CACNA1I: variants seen among roughly 807,000 people sequenced by gnomAD.
CACNA1I encodes calcium voltage-gated channel subunit alpha1 I.
A neutral mutation model predicts 201.6 loss-of-function variants in CACNA1I; 74 were observed. The observed-to-expected ratio is 0.37, with a 90% CI of 0.30 to 0.45. The LOEUF is 0.45. CACNA1I is among the 20% of genes least tolerant of loss of function. The probability of loss-of-function intolerance (pLI) is 1.00; values close to 1 mark genes in which losing one functional copy is unlikely to be tolerated. For missense variants in CACNA1I, 2,346 were observed against 3,138.1 expected (o/e 0.75, Z 6.03); for synonymous variants, 1,431 against 1,345.2 (o/e 1.06, Z -1.40).
rs1209155938 is a variant in CACNA1I at position 39,629,028 on chromosome 22, C to T, written c.581-5537C>T. 1.3e-5 allele frequency among the ~76,000 whole-genome samples: 2 copies of T among 152,122 alleles called. No individual in the cohort carries two copies. The highest frequency in any genetic ancestry group is 2.9e-5 in the Non-Finnish European group (2 of 68,014). ...CTTCCTGCCACCTCCTCTCAGGTGT[C>T]CCCACTGCCACTGAGGGGCTGCCTC... is the stretch of plus-strand genomic sequence containing the variant. On this transcript the variant is annotated intron_variant, in intron 4 of 36. Transcript: ENST00000402142. The surrounding 1 kb of genome is among the most constrained non-coding windows in gnomAD (Gnocchi z 4.8).
chr22:39,685,961 C>CCTGCGGGGG lies in CACNA1I; in HGVS notation c.6236_6244dup (p.Gly2079_Arg2081dup). 1 of 1,261,292 alleles carries CCTGCGGGGG rather than the reference C, an allele frequency of 7.9e-7. No individual in the cohort carries two copies. Among genetic ancestry groups the CCTGCGGGGG allele is most frequent in the Middle Eastern group, 3.1e-4 (1 of 3,270 alleles). The allele number at this position is 1,261,292 out of a possible 1,614,324, so 78.1% of individuals were successfully genotyped here. On this transcript the variant is annotated inframe_insertion, in exon 37 of 37. Coordinates refer to ENST00000402142, the MANE Select transcript of CACNA1I (RefSeq NM_021096.4). This position sits in a 1 kb window ranked among gnomAD's most constrained non-coding sequence, Gnocchi z 5.0. ...GCCTGCGCGGCCGGGGCCTCTTCAG[C>CCTGCGGGGG]CTGCGGGGGCTGCGGGCGCATCAGC...
In CACNA1I at chr22:39,684,878, G is replaced by T. The variant is rs534543579; in HGVS notation, c.6027+380G>T. 1.9e-4 allele frequency: 87 copies of T among 465,592 alleles called. 1 individual carries two copies. Among genetic ancestry groups the T allele is most frequent in the East Asian group, 1.2e-3 (33 of 27,710 alleles). 28.8% of individuals were successfully genotyped at this position (465,592 alleles called of 1,614,324 possible). On this transcript the variant is annotated intron_variant, in intron 36 of 36. Coordinates refer to ENST00000402142, the MANE Select transcript of CACNA1I (RefSeq NM_021096.4). This position sits in a 1 kb window ranked among gnomAD's most constrained non-coding sequence, Gnocchi z 4.6. ...GTGCTCTGGGTGGGTGTGAGTGGGG[G>T]CTTGATTACTAGGAATGGAGGTGGG...
intron 1 of CACNA1I, chr22:39,587,896 T>C (rs551519902): frequency 9.3e-4 from 279 of 299,440 alleles, no homozygotes; most frequent in Non-Finnish European, 1.0e-3. Context: ...CTGCCTCAGC[T>C]TCTGGAGTAG....
rs1286319395 is a variant in CACNA1I at position 39,649,629 on chromosome 22, G to A, written c.1696G>A (p.Gly566Ser). The A allele has an allele frequency of 6.5e-7, 1 of 1,530,360 alleles. No homozygotes were observed. Among genetic ancestry groups the A allele is most frequent in the South Asian group, 1.2e-5 (1 of 80,368 alleles). The allele number at this position is 1,530,360 out of a possible 1,614,324, so 94.8% of individuals were successfully genotyped here. The change falls in exon 10 of 37, where the codon GGC becomes AGC. Residue 566 changes from glycine to serine, a missense_variant. By Grantham distance (56) the Gly-to-Ser change is moderately conservative. This residue lies in a region of CACNA1I where 312 missense variants were observed against 331.5 expected (regional missense o/e 0.94). Coordinates refer to ENST00000402142, the MANE Select transcript of CACNA1I (RefSeq NM_021096.4). The surrounding 1 kb of genome is among the most constrained non-coding windows in gnomAD (Gnocchi z 7.3). ...CQHEDGRRPS[G>S]LGSTDSGQEG... The stretch of plus-strand genomic sequence containing the variant: ...GCATGAGGACGGCCGGCGGCCCTCG[G>A]GCCTGGGCAGCACCGACTCGGGCCA...
intron 1 of CACNA1I, among the ~76,000 whole-genome samples, chr22:39,591,318 C>A (rs939234175): frequency 3.3e-5 from 5 of 151,426 alleles, no homozygotes; most frequent in African/African-American, 1.2e-4. Context: ...CCCGCCACCA[C>A]GCCCAGTTAA....
intron 10 of CACNA1I, among the ~76,000 whole-genome samples, chr22:39,653,848 G>T (rs1448154656): frequency 6.6e-6 from 1 of 152,216 alleles, no homozygotes; most frequent in East Asian, 1.9e-4. Flanking sequence ...GTTTCTTGCA[G>T]GGCCTGGCCT....
chr22:39,612,858 A>G (rs887984986), intron 3 of CACNA1I, among the ~76,000 whole-genome samples: 1 of 151,942 alleles, frequency 6.6e-6, no homozygotes, highest in African/African-American at 2.4e-5. Context: ...CCTTCCCTCC[A>G]TCCCTCCACA....
chr22:39,668,525 A>G (rs986514801), intron 24 of CACNA1I, 144 bp downstream of exon 24: 1 of 622,578 alleles, frequency 1.6e-6, no homozygotes, highest in Non-Finnish European at 2.9e-6. Flanking sequence ...CACTCCTCAC[A>G]TCCTGGCCTG....
At position 39,649,385 on chromosome 22, in the gene CACNA1I, G is replaced by T. The variant is rs755214585; in HGVS notation, c.1568-116G>T. ...CCTGACCGCCTTTCCAGGCTGGGTCGGCTGGTTCCAGGCAGACCTGTGGGC... is the reference window on the plus strand; with the variant it reads ...CCTGACCGCCTTTCCAGGCTGGGTCTGCTGGTTCCAGGCAGACCTGTGGGC... On this transcript the variant is annotated intron_variant, in intron 9 of 36. Coordinates refer to ENST00000402142, the MANE Select transcript of CACNA1I (RefSeq NM_021096.4). The surrounding 1 kb of genome is among the most constrained non-coding windows in gnomAD (Gnocchi z 7.3). 1.8e-6 allele frequency: 2 copies of T among 1,095,694 alleles called. No individual in the cohort carries two copies. Among genetic ancestry groups the T allele is most frequent in the Non-Finnish European group, 2.5e-6 (2 of 795,548 alleles). 67.9% of individuals were successfully genotyped at this position (1,095,694 alleles called of 1,614,324 possible).
intron 10 of CACNA1I, among the ~76,000 whole-genome samples, chr22:39,655,269 G>GT (rs1934780380): frequency 1.2e-5 from 1 of 86,372 alleles, no homozygotes; most frequent in Admixed American, 1.4e-4. Flanking sequence ...CTTCCCGGGG[G>GT]GCAGCTGACC....
intron 1 of CACNA1I, among the ~76,000 whole-genome samples, chr22:39,584,396 G>C (rs558847531): frequency 6.6e-6 from 1 of 152,154 alleles, no homozygotes; most frequent in Admixed American, 6.6e-5. Flanking sequence ...TCTTCTGGAC[G>C]TGATGAATCT....
intron 3 of CACNA1I, among the ~76,000 whole-genome samples, chr22:39,604,617 A>T (rs1209834539): frequency 1.3e-5 from 2 of 152,062 alleles, no homozygotes; most frequent in Non-Finnish European, 2.9e-5. Context: ...TCATTCTGTC[A>T]CCCAGGCTGG....
chr22:39,686,136 C>T lies in CACNA1I; in HGVS notation c.6403C>T (p.Leu2135Phe), dbSNP rs989733282. The T allele has an allele frequency of 2.4e-6, 3 of 1,273,334 alleles. No individual in the cohort carries two copies. Among genetic ancestry groups the T allele is most frequent in the Non-Finnish European group, 2.0e-6 (2 of 1,011,696 alleles). 78.9% of individuals were successfully genotyped at this position (1,273,334 alleles called of 1,614,324 possible). ...CCTCAGCAGCCTCTCGCTCACCTCC[C>T]TCTTCTGCCCGCCGCCCCCGCCGCC... ...ETLSSLSLTS[L>F]FCPPPPPPAP... Residue 2135 changes from leucine to phenylalanine, a missense_variant, in exon 37 of 37, where the codon CTC becomes TTC. Physicochemically the swap from Leu to Phe is conservative, Grantham distance 22. Transcript: ENST00000402142.
intron 15 of CACNA1I, 42 bp from the exon 16 acceptor site, chr22:39,661,066 C>G (rs1419169652): frequency 6.7e-7 from 1 of 1,501,110 alleles, no homozygotes; most frequent in Admixed American, 1.7e-5. Flanking sequence ...TCTGTCCTGT[C>G]TGCCATCTGT....
intron 3 of CACNA1I, among the ~76,000 whole-genome samples, chr22:39,613,185 T>C (rs900755008): frequency 6.6e-6 from 1 of 152,188 alleles, no homozygotes; most frequent in Non-Finnish European, 1.5e-5. Flanking sequence ...AGCTTTTTTT[T>C]TCTTTCTTCT....
intron 4 of CACNA1I, among the ~76,000 whole-genome samples, chr22:39,634,136 C>T (rs887646840): frequency 7.9e-5 from 12 of 152,188 alleles, no homozygotes; most frequent in Non-Finnish European, 1.3e-4. Flanking sequence ...AATCTAGACC[C>T]TGCTGCTTCT....
At position 39,657,932 on chromosome 22, in the gene CACNA1I, G is replaced by A. The variant is rs144054455; in HGVS notation, c.1993-220G>A. Among the ~76,000 whole-genome samples the A allele has an allele frequency of 4.2e-3, 644 of 152,326 alleles. 3 individuals carry two copies. The highest frequency in any genetic ancestry group is 6.2e-3 in the Non-Finnish European group (420 of 68,038). On this transcript the variant is annotated intron_variant, in intron 10 of 36. Transcript: ENST00000402142. ...AATTTGTGGAAGGTCAGCGCTGTGG[G>A]GTCCCCCAACCCTCACCATCTCAGC... is the stretch of plus-strand genomic sequence containing the variant.
chr22:39,597,149 G>C (rs997111122), intron 1 of CACNA1I, among the ~76,000 whole-genome samples: 1 of 152,138 alleles, frequency 6.6e-6, no homozygotes, highest in Admixed American at 6.5e-5. Context: ...ACAGATTTTC[G>C]AAGGCCCCAG....
At chr22:39,640,104 G>C (rs974242965) in intron 5 of CACNA1I, among the ~76,000 whole-genome samples, 1 of 152,110 alleles carries the variant, frequency 6.6e-6, no homozygotes, top group Non-Finnish European at 1.5e-5. Flanking sequence ...TCCAGAGAAG[G>C]GCAGCCCGGC....
Sources: allele counts gnomAD v4.1 joint callset (sites outside exome capture counted in the v4.1 genomes callset), GRCh38; gene constraint gnomAD v4.1.1; regional missense constraint gnomAD v4.1.1; non-coding constraint Gnocchi (gnomAD v3.1); transcripts MANE v1.5; gene names NCBI Gene and HGNC (gene_info 2026-07-23, HGNC 2026-07-21).